The following RELN variants were observed in gnomAD, a reference collection of about 807,000 sequenced individuals.
RELN encodes the protein reelin.
Under a neutral mutation model 427.6 loss-of-function variants are expected in RELN, and 108 were observed. The observed-to-expected ratio is 0.25, with a 90% CI of 0.22 to 0.30. RELN has a LOEUF of 0.30. RELN is among the 10% of genes least tolerant of loss of function. The pLI is 1.00. For missense variants in RELN, 3,715 were observed against 4,302.8 expected, an observed-to-expected ratio of 0.86 and a Z score of 3.82; for synonymous variants, 1,524 against 1,513.4, an observed-to-expected ratio of 1.01 and a Z score of -0.16.
At chr7:103,804,651 A>AAGATCTTTCAGAC (rs1431343370) in intron 3 of RELN, among the ~76,000 whole-genome samples, 1 of 152,188 alleles carries the variant, frequency 6.6e-6, no homozygotes, top group Non-Finnish European at 1.5e-5. Flanking sequence ...AATAAGAAAC[A>AAGATCTTTCAGAC]AGATCTTTCA....
chr7:103,490,327 G>A (rs1828607480), intron 59 of RELN, among the ~76,000 whole-genome samples: 1 of 147,962 alleles, frequency 6.8e-6, no homozygotes, highest in South Asian at 2.3e-4. Context: ...CCTTTGGGAA[G>A]GCAGAACACT....
rs757667665 is a variant in RELN at position 103,865,034 on chromosome 7, GGTA to G, written c.338-31365_338-31363del. 2.7e-3 allele frequency among the ~76,000 whole-genome samples: 403 copies of G among 151,312 alleles called. 3 individuals carry two copies. Among genetic ancestry groups the G allele is most frequent in the Middle Eastern group, 6.8e-3 (2 of 292 alleles). The stretch of plus-strand genomic sequence containing the variant: ...TAATCCCAGCTACTGGGGAGGCTGA[GGTA>G]GGAGAATTGTTTGTTGAACCTGGAA... On this transcript the variant is annotated intron_variant, in intron 2 of 64. Coordinates refer to ENST00000428762, the MANE Select transcript of RELN (RefSeq NM_005045.4).
chr7:103,661,308 T>A, intron 12 of RELN, 68 bp downstream of exon 12: 2 of 1,490,762 alleles, frequency 1.3e-6, no homozygotes, highest in East Asian at 4.5e-5. Context: ...ACAATCTTAC[T>A]TCCTCAGGAA....
rs760775607 is a variant in RELN at position 103,636,426 on chromosome 7, G to A, written c.2112C>T (p.Ser704=). The A allele has an allele frequency of 5.1e-5, 83 of 1,613,774 alleles. No individual in the cohort carries two copies. Among genetic ancestry groups the A allele is most frequent in the Non-Finnish European group, 6.6e-5 (78 of 1,179,880 alleles). ...CAGAAATAAACATTGGGAATGTCTG[G>A]GATGCCATCTCACAAGCTGGGCCAG... ...GFSGPACEMA[S]QTFPMFISES... Residue 704 remains serine (S), a synonymous_variant, in exon 18 of 65, where the codon TCC becomes TCT. Transcript: ENST00000428762.
chr7:103,635,729 AAT>A, intron 18 of RELN, 143 bp from the exon 19 acceptor site: 1 of 682,738 alleles, frequency 1.5e-6, no homozygotes, highest in South Asian at 1.8e-5. Flanking sequence ...TAGATATATG[AAT>A]ATGTGTAGAT....
intron 8 of RELN, among the ~76,000 whole-genome samples, 171 bp from the exon 9 acceptor site, chr7:103,701,177 T>C (rs1834083422): frequency 1.3e-5 from 2 of 152,152 alleles, no homozygotes. Flanking sequence ...GTAACTACCA[T>C]TTGATAAATA....
intron 64 of RELN, among the ~76,000 whole-genome samples, chr7:103,475,481 T>C (rs1052286981): frequency 2.6e-5 from 4 of 152,172 alleles, no homozygotes; most frequent in African/African-American, 9.7e-5. Context: ...ATTGCAAAGT[T>C]AAAGCAATGA....
At chr7:103,677,766 A>C (rs796434494) in intron 11 of RELN, among the ~76,000 whole-genome samples, 1,782 of 28,574 alleles carry the variant, frequency 0.062, 21 homozygotes, top group African/African-American at 0.25. Context: ...AATCTGTCTC[A>C]AAAAAAAAAA....
chr7:103,800,523 T>C (rs1170168419), intron 3 of RELN, among the ~76,000 whole-genome samples: 7 of 152,216 alleles, frequency 4.6e-5, no homozygotes, highest in Non-Finnish European at 5.9e-5. Context: ...AACTGGCTAG[T>C]CATATATAGA....
intron 16 of RELN, among the ~76,000 whole-genome samples, chr7:103,643,290 T>G (rs900268388): frequency 6.6e-6 from 1 of 152,100 alleles, no homozygotes; most frequent in Non-Finnish European, 1.5e-5. Context: ...CCCTTTCTAC[T>G]TACTTGTAGT....
At chr7:103,795,805 A>G (rs1584245929) in intron 3 of RELN, among the ~76,000 whole-genome samples, 2 of 152,250 alleles carry the variant, frequency 1.3e-5, no homozygotes, top group South Asian at 2.1e-4. Context: ...GTAAACATAC[A>G]CTATTTGGAT....
At position 103,540,190 on chromosome 7, in the gene RELN, G is replaced by A. The variant is rs1341176883; in HGVS notation, c.6930+7C>T. ...CAATTAAAATAGTTAATCCTGAAGG[G>A]ACTGACCTGATCGATAACCCAGGGG... is the stretch of plus-strand genomic sequence containing the variant. On this transcript the variant is annotated splice_region_variant and intron_variant, in intron 44 of 64. Transcript: ENST00000428762. 6.2e-7 allele frequency: 1 copy of A among 1,614,098 alleles called. No homozygotes were observed. The highest frequency in any genetic ancestry group is 1.6e-4 in the Middle Eastern group (1 of 6,062).
intron 41 of RELN, among the ~76,000 whole-genome samples, chr7:103,546,680 A>C (rs10250940): frequency 0.049 from 7,479 of 152,218 alleles, 568 homozygotes; most frequent in African/African-American, 0.17. Flanking sequence ...ATAGAGGCCA[A>C]TGTCCATGTC....
chr7:103,583,249 A>G (rs1301256535), intron 28 of RELN, among the ~76,000 whole-genome samples: 1 of 152,146 alleles, frequency 6.6e-6, no homozygotes, highest in African/African-American at 2.4e-5. Flanking sequence ...TGCTACTGAC[A>G]TCTCAGGGTC....
At chr7:103,949,080 C>T (rs2116758213) in intron 1 of RELN, among the ~76,000 whole-genome samples, 2 of 146,556 alleles carry the variant, frequency 1.4e-5, no homozygotes, top group South Asian at 4.4e-4. Context: ...TATATATACA[C>T]ACATACATGC....
intron 53 of RELN, 25 bp downstream of exon 53, chr7:103,500,720 G>C (rs79222798): frequency 3.7e-6 from 6 of 1,612,948 alleles, no homozygotes; most frequent in African/African-American, 1.3e-5. Flanking sequence ...TGAGTAATGC[G>C]TCTTGTCCAG....
rs541615570 is a variant in RELN at position 103,947,771 on chromosome 7, C to T, written c.227-30586G>A. On this transcript the variant is annotated intron_variant, in intron 1 of 64. Transcript: ENST00000428762. ...AAAATTATATTTCCCAGTGCAGCTGCAATCTGACTCTAGTGCATATGTAAA... is the reference window on the plus strand; with the variant it reads ...AAAATTATATTTCCCAGTGCAGCTGTAATCTGACTCTAGTGCATATGTAAA... Among the ~76,000 whole-genome samples the T allele has an allele frequency of 4.6e-5, 7 of 152,314 alleles. No individual in the cohort carries two copies. The South Asian group carries it at 1.5e-3, about 32-fold the overall frequency.
intron 6 of RELN, among the ~76,000 whole-genome samples, chr7:103,748,874 A>C (rs529712915): frequency 6.6e-6 from 1 of 152,240 alleles, no homozygotes; most frequent in South Asian, 2.1e-4. Flanking sequence ...ATTTCTTCAA[A>C]GTCAGCAAAA....
chr7:103,958,023 C>G (rs1796470919), intron 1 of RELN, among the ~76,000 whole-genome samples: 1 of 152,184 alleles, frequency 6.6e-6, no homozygotes, highest in African/African-American at 2.4e-5. Context: ...CCACCTCTCT[C>G]AAATGTAGCT....
Sources: gnomAD v4.1 joint callset for allele counts (sites outside exome capture counted in the v4.1 genomes callset) on GRCh38, gnomAD v4.1.1 for gene constraint, MANE v1.5 for transcripts, NCBI Gene and HGNC (gene_info 2026-07-23, HGNC 2026-07-21) for gene names.